The following ZNF335 variants were observed in gnomAD, a reference collection of about 807,000 sequenced individuals.
ZNF335 encodes zinc finger protein 335.
In ZNF335, 84 loss-of-function variants were observed where a neutral mutation model predicts 145.6. The ratio of observed to expected loss-of-function variants is 0.58; its 90% CI spans 0.48 to 0.69. ZNF335 has a LOEUF of 0.69. Ranked by LOEUF, ZNF335 falls within the 30% of genes least tolerant of loss-of-function variation. The probability of loss-of-function intolerance (pLI) is 0.00; values close to 1 mark genes in which losing one functional copy is unlikely to be tolerated. For synonymous variants in ZNF335, 761 were observed against 717.0 expected, an observed-to-expected ratio of 1.06 and a Z score of -0.98; for missense variants, 1,865 against 1,809.7, an observed-to-expected ratio of 1.03 and a Z score of -0.55.
rs1201942950 is a variant in ZNF335 at position 45,965,789 on chromosome 20, A to G, written c.956-15T>C. The G allele has an allele frequency of 6.3e-7, 1 of 1,594,340 alleles. No individual in the cohort carries two copies. The highest frequency in any genetic ancestry group is 8.5e-7 in the Non-Finnish European group (1 of 1,171,072). On this transcript the variant is annotated splice_polypyrimidine_tract_variant and intron_variant, in intron 6 of 27. Coordinates refer to ENST00000322927, the MANE Select transcript of ZNF335 (RefSeq NM_022095.4). ...GTCGCTATCCTCTGTGGGGGACAGTAAAGTTGGTGAACAGTGAGTGGCGGG... is the reference window on the plus strand; with the variant it reads ...GTCGCTATCCTCTGTGGGGGACAGTGAAGTTGGTGAACAGTGAGTGGCGGG...
At chr20:45,964,707 T>C (rs1447131629) in intron 7 of ZNF335, among the ~76,000 whole-genome samples, 1 of 152,166 alleles carries the variant, frequency 6.6e-6, no homozygotes, top group Non-Finnish European at 1.5e-5. Context: ...CATACATATG[T>C]GCCTCGGTAA....
At chr20:45,953,088 C>T (rs773701578) in intron 18 of ZNF335, among the ~76,000 whole-genome samples, 5 of 152,266 alleles carry the variant, frequency 3.3e-5, no homozygotes, top group Non-Finnish European at 5.9e-5. Context: ...AATGCTGAGA[C>T]TGGCCGCCCA....
chr20:45,959,462 G>C, intron 14 of ZNF335, 29 bp from the exon 15 acceptor site: 1 of 1,407,644 alleles, frequency 7.1e-7, no homozygotes, highest in South Asian at 1.6e-5. Flanking sequence ...GCATGCTTAA[G>C]TCTGCCCGTC....
chr20:45,965,882 C>T (rs2083943821), intron 6 of ZNF335, 108 bp from the exon 7 acceptor site: 2 of 1,314,996 alleles, frequency 1.5e-6, no homozygotes, highest in African/African-American at 1.5e-5. Flanking sequence ...CTCCTCCAAG[C>T]CCACAGCGAT....
At chr20:45,953,559 C>A in intron 18 of ZNF335, 130 bp downstream of exon 18, 1 of 1,241,952 alleles carries the variant, frequency 8.1e-7, no homozygotes. Flanking sequence ...AGGGTAGACT[C>A]CACCACTAAT....
intron 2 of ZNF335, 138 bp downstream of exon 2, chr20:45,971,072 G>A (rs1279641610): frequency 6.0e-6 from 8 of 1,338,104 alleles, no homozygotes; most frequent in South Asian, 1.5e-5. Flanking sequence ...CCATTTTAGG[G>A]GTTTGGCTTG....
intron 6 of ZNF335, chr20:45,967,256 G>A: frequency 1.7e-6 from 1 of 586,142 alleles, no homozygotes; most frequent in South Asian, 2.0e-5. Context: ...ACCTTTACTT[G>A]TATTCTATTT....
rs765024829 is a variant in ZNF335 at position 45,965,688 on chromosome 20, G to A, written c.1042C>T (p.Arg348Ter). The A allele has an allele frequency of 3.7e-6, 6 of 1,601,176 alleles. No individual in the cohort carries two copies. The highest frequency in any genetic ancestry group is 1.1e-5 in the South Asian group (1 of 90,420). Residue 348 changes from arginine (R) to a stop codon, truncating the protein, a stop_gained, in exon 7 of 28, where the codon CGA becomes TGA. Transcript: ENST00000322927. LOFTEE classifies it high-confidence loss of function. ...TTCCGGGGCCGGCCAGGTCTCCTTCGGGGCCTTGGGGTACTGGGGGTGGGG... is the reference window on the plus strand; with the variant it reads ...TTCCGGGGCCGGCCAGGTCTCCTTCAGGGCCTTGGGGTACTGGGGGTGGGG... ...QRPTPSTPRP[R>*]RRPGRPRKLP... is the part of the protein sequence containing the mutation.
In ZNF335 at chr20:45,950,027, A is replaced by G. The variant is rs1189528806; in HGVS notation, c.3530T>C (p.Leu1177Pro). The change falls in exon 23 of 28, where the codon CTA (leucine) becomes CCA (proline). Residue 1177 changes from leucine to proline, a missense_variant. Coordinates refer to ENST00000322927, the MANE Select transcript of ZNF335 (RefSeq NM_022095.4). Reference sequence around the variant, plus strand: ...GTGTTCCTGGCTCAGTGCCTGCTGTAGCCGCTCTGGGCCCAGGACCCCGTG... The same window carrying G: ...GTGTTCCTGGCTCAGTGCCTGCTGTGGCCGCTCTGGGCCCAGGACCCCGTG... ...SSHGVLGPER[L>P]QQALSQEHII... is the part of the protein sequence containing the mutation. 6.2e-7 allele frequency: 1 copy of G among 1,613,966 alleles called. No homozygotes were observed. Among genetic ancestry groups the G allele is most frequent in the East Asian group, 2.2e-5 (1 of 44,896 alleles).
Position 45,970,651 on chromosome 20 carries a change from C to T in ZNF335, c.201+559G>A, listed in dbSNP as rs376877662. 2.6e-5 allele frequency among the ~76,000 whole-genome samples: 4 copies of T among 152,022 alleles called. No homozygotes were observed. The East Asian group carries it at 7.7e-4, about 29-fold the overall frequency. ...TGGTGGGAGCTCACAATCAAGCACC[C>T]TTGAAAGCAAGTATTTCTGCTTTAC... is the stretch of plus-strand genomic sequence containing the variant. On this transcript the variant is annotated intron_variant, in intron 2 of 27. Transcript: ENST00000322927.
Position 45,963,640 on chromosome 20 carries a change from T to G in ZNF335, c.1366A>C (p.Lys456Gln). ...GGCCTCAAAAGTGGTTTGGGCGACT[T>G]GTAATAGTACCTGCAGGATGAGAGT... is the stretch of plus-strand genomic sequence containing the variant. ...LGKKYRKYYY[K>Q]SPKPLLRPFL... The change falls in exon 9 of 28, where the codon AAG (lysine) becomes CAG (glutamine). Residue 456 changes from lysine (K) to glutamine (Q), a missense_variant. Physicochemically the swap from Lys to Gln is moderately conservative, Grantham distance 53. Transcript: ENST00000322927. 1.2e-6 allele frequency: 2 copies of G among 1,614,102 alleles called. No individual in the cohort carries two copies. The highest frequency in any genetic ancestry group is 1.7e-6 in the Non-Finnish European group (2 of 1,179,980).
chr20:45,958,646 C>T (rs747552869), intron 15 of ZNF335, among the ~76,000 whole-genome samples: 1 of 152,206 alleles, frequency 6.6e-6, no homozygotes, highest in Non-Finnish European at 1.5e-5. Flanking sequence ...TACCCAGCTC[C>T]AAGACATTTC....
chr20:45,966,564 T>A (rs550035701), intron 6 of ZNF335, among the ~76,000 whole-genome samples: 1 of 151,562 alleles, frequency 6.6e-6, no homozygotes, highest in East Asian at 1.9e-4. Flanking sequence ...TTTTTTTTTT[T>A]TTCTGAGACA....
intron 1 of ZNF335, chr20:45,971,720 G>C (rs1287371846): frequency 6.5e-5 from 64 of 985,324 alleles, no homozygotes; most frequent in East Asian, 1.1e-4. Flanking sequence ...CACGATTCTC[G>C]TGGAGCGTTC....
chr20:45,969,801 A>G, intron 2 of ZNF335, 110 bp from the exon 3 acceptor site: 1 of 1,465,712 alleles, frequency 6.8e-7, no homozygotes, highest in African/African-American at 1.4e-5. Flanking sequence ...GGACATGGTC[A>G]GTGGAGCCAC....
In ZNF335 at chr20:45,950,085, A is replaced by C. The variant is rs774705030; in HGVS notation, c.3488-16T>G. On this transcript the variant is annotated splice_polypyrimidine_tract_variant and intron_variant, in intron 22 of 27. Transcript: ENST00000322927. ...TGGAGTGCAGCTGGGCAGAGAGGAG[A>C]GGATGCTCACCTGGGGTCCAGGAAA... 6.2e-7 allele frequency: 1 copy of C among 1,612,740 alleles called. No homozygotes were observed. Among genetic ancestry groups the C allele is most frequent in the Non-Finnish European group, 8.5e-7 (1 of 1,179,462 alleles).
chr20:45,952,839 C>G, intron 18 of ZNF335, 130 bp from the exon 19 acceptor site: 1 of 728,774 alleles, frequency 1.4e-6, no homozygotes. Context: ...CAGGGTTCAA[C>G]TGTGGCTCTG....
At position 45,963,720 on chromosome 20, in the gene ZNF335, C is replaced by T. The variant is rs778769594; in HGVS notation, c.1355+18G>A. ...CTTAACCACATGCATGCCCCACCCTCACCTCTGCTCCACATACTTGCGGTA... is the reference window on the plus strand; with the variant it reads ...CTTAACCACATGCATGCCCCACCCTTACCTCTGCTCCACATACTTGCGGTA... On this transcript the variant is annotated intron_variant, in intron 8 of 27. Coordinates refer to ENST00000322927, the MANE Select transcript of ZNF335 (RefSeq NM_022095.4). 2 of 1,614,144 alleles carry T rather than the reference C, an allele frequency of 1.2e-6. No homozygotes were observed. Among genetic ancestry groups the T allele is most frequent in the Middle Eastern group, 3.3e-4 (2 of 6,062 alleles).
rs1295312565 is a variant in ZNF335, at chr20:45,950,384, T to G, written c.3333-11A>C. 6.2e-7 allele frequency: 1 copy of G among 1,605,776 alleles called. No homozygotes were observed. Among genetic ancestry groups the G allele is most frequent in the Admixed American group, 1.7e-5 (1 of 59,796 alleles). Reference sequence around the variant, plus strand: ...CCGTTACGGTTGAAACTGAGGGGGATGAAAGGTGGCTCAGGTTAGCTCCAC... The same window carrying G: ...CCGTTACGGTTGAAACTGAGGGGGAGGAAAGGTGGCTCAGGTTAGCTCCAC... On this transcript the variant is annotated splice_polypyrimidine_tract_variant and intron_variant, in intron 21 of 27. Transcript: ENST00000322927.
Sources: allele counts gnomAD v4.1 joint callset (sites outside exome capture counted in the v4.1 genomes callset), GRCh38; gene constraint gnomAD v4.1.1; transcripts MANE v1.5; gene names NCBI Gene and HGNC (gene_info 2026-07-23, HGNC 2026-07-21).